Variants in CDK6 observed in about 807,000 individuals in gnomAD.
CDK6 encodes cyclin-dependent kinase 6.
Under a neutral mutation model 37.1 loss-of-function variants are expected in CDK6, and 6 were observed. That is an observed-to-expected ratio of 0.16 (90% CI 0.09 to 0.32). The LOEUF (loss-of-function observed/expected upper bound fraction) is 0.32, where lower values mean the gene tolerates loss of function less well. Ranked by LOEUF, CDK6 falls within the 10% of genes least tolerant of loss-of-function variation. The pLI, the probability that CDK6 is intolerant of heterozygous loss-of-function variation, is 1.00. For missense variants in CDK6, 224 were observed against 418.9 expected (o/e 0.53, Z 4.06); for synonymous variants, 160 against 161.3 (o/e 0.99, Z 0.06).
chr7:92,787,385 G>A (rs879297855), intron 2 of CDK6, among the ~76,000 whole-genome samples: 13 of 151,774 alleles, frequency 8.6e-5, no homozygotes, highest in Admixed American at 7.2e-4. Flanking sequence ...TACCACTCAC[G>A]TACTTTTCTT....
chr7:92,785,067 C>T (rs530221301), intron 2 of CDK6, among the ~76,000 whole-genome samples: 10 of 152,216 alleles, frequency 6.6e-5, no homozygotes, highest in East Asian at 3.9e-4. Context: ...TGAATGATGA[C>T]GCAGTGAAGG....
At chr7:92,763,547 A>G (rs1799508315) in intron 3 of CDK6, among the ~76,000 whole-genome samples, 1 of 152,222 alleles carries the variant, frequency 6.6e-6, no homozygotes, top group Non-Finnish European at 1.5e-5. Context: ...GCATCTCTTT[A>G]ATTTATATCT....
chr7:92,672,190 TACACACACAC>T (rs71107866), intron 4 of CDK6, among the ~76,000 whole-genome samples: 75 of 62,776 alleles, frequency 1.2e-3, no homozygotes, highest in Middle Eastern at 0.012. Flanking sequence ...CACAGACACA[TACACACACAC>T]ACACACACAC....
chr7:92,705,612 G>A (rs1332776469), intron 4 of CDK6, among the ~76,000 whole-genome samples: 1 of 152,156 alleles, frequency 6.6e-6, no homozygotes, highest in African/African-American at 2.4e-5. Context: ...TCCCAGTCAG[G>A]TCATGTTGCA....
At chr7:92,681,965 T>C (rs1797346983) in intron 4 of CDK6, among the ~76,000 whole-genome samples, 1 of 152,214 alleles carries the variant, frequency 6.6e-6, no homozygotes, top group Admixed American at 6.5e-5. Flanking sequence ...TTGTCATTCC[T>C]CTGAAACTTG....
intron 5 of CDK6, among the ~76,000 whole-genome samples, chr7:92,652,608 T>G (rs963247001): frequency 5.9e-5 from 9 of 152,336 alleles, no homozygotes; most frequent in African/African-American, 2.2e-4. Context: ...TAATTCATAA[T>G]GAAATTATTT....
At chr7:92,645,031 C>T (rs904525905) in intron 5 of CDK6, among the ~76,000 whole-genome samples, 4 of 152,160 alleles carry the variant, frequency 2.6e-5, no homozygotes, top group Admixed American at 6.5e-5. Flanking sequence ...TCGGGTTTGG[C>T]ATGGAAAGCA....
At chr7:92,626,807 T>A (rs572699992) in intron 5 of CDK6, among the ~76,000 whole-genome samples, 14 of 152,224 alleles carry the variant, frequency 9.2e-5, no homozygotes, top group East Asian at 7.7e-4. Flanking sequence ...TAGTAAAGTC[T>A]GGCAGAATGA....
At chr7:92,654,286 T>A (rs542905332) in intron 5 of CDK6, among the ~76,000 whole-genome samples, 25 of 152,120 alleles carry the variant, frequency 1.6e-4, no homozygotes, top group Middle Eastern at 3.4e-3. Context: ...AGCTAATCAC[T>A]TTCAGAATTT....
intron 3 of CDK6, among the ~76,000 whole-genome samples, chr7:92,765,983 A>G (rs905730455): frequency 1.3e-5 from 2 of 152,152 alleles, no homozygotes; most frequent in Non-Finnish European, 2.9e-5. Context: ...AGCAAGCTGG[A>G]GGAACAGAAA....
intron 4 of CDK6, among the ~76,000 whole-genome samples, chr7:92,675,867 AT>A (rs1367186562): frequency 6.6e-6 from 1 of 152,140 alleles, no homozygotes; most frequent in Non-Finnish European, 1.5e-5. Context: ...ATTGACTTAA[AT>A]TTGAACATAG....
At chr7:92,765,290 C>G (rs1259309423) in intron 3 of CDK6, among the ~76,000 whole-genome samples, 1 of 151,898 alleles carries the variant, frequency 6.6e-6, no homozygotes, top group East Asian at 1.9e-4. Flanking sequence ...AGCGTCCCAC[C>G]CCGGGGAAGA....
At chr7:92,695,320 T>C (rs1797693225) in intron 4 of CDK6, among the ~76,000 whole-genome samples, 2 of 148,468 alleles carry the variant, frequency 1.3e-5, no homozygotes, top group Non-Finnish European at 3.0e-5. Flanking sequence ...CCAACAAAAA[T>C]CAAGAAGCAA....
intron 2 of CDK6, among the ~76,000 whole-genome samples, chr7:92,828,958 G>T (rs974316270): frequency 6.6e-6 from 1 of 152,094 alleles, no homozygotes; most frequent in Non-Finnish European, 1.5e-5. Flanking sequence ...TTTAAAAGGA[G>T]AATTAAACTC....
At chr7:92,651,164 A>AC (rs1170423117) in intron 5 of CDK6, among the ~76,000 whole-genome samples, 1 of 152,196 alleles carries the variant, frequency 6.6e-6, no homozygotes, top group Admixed American at 6.5e-5. Context: ...TGTTGGGATT[A>AC]CAGGCGTAAG....
intron 2 of CDK6, among the ~76,000 whole-genome samples, chr7:92,821,378 T>G (rs1476583996): frequency 6.6e-6 from 1 of 152,176 alleles, no homozygotes; most frequent in Non-Finnish European, 1.5e-5. Flanking sequence ...CCATTCTCAC[T>G]GTGCTCTGTC....
chr7:92,776,895 G>A (rs1799864732), intron 2 of CDK6, among the ~76,000 whole-genome samples: 1 of 152,154 alleles, frequency 6.6e-6, no homozygotes, highest in South Asian at 2.1e-4. Flanking sequence ...TTGCTGTGCA[G>A]AAGCTCTTTA....
At chr7:92,748,943 T>A (rs751776677) in intron 3 of CDK6, among the ~76,000 whole-genome samples, 1 of 151,780 alleles carries the variant, frequency 6.6e-6, no homozygotes, top group Non-Finnish European at 1.5e-5. Context: ...GGCTCACACC[T>A]GTAATCCCAG....
intron 6 of CDK6, among the ~76,000 whole-genome samples, chr7:92,619,182 ATGT>A (rs1400429069): frequency 2.0e-5 from 3 of 152,190 alleles, no homozygotes; most frequent in African/African-American, 7.2e-5. Context: ...TAATTAGAAA[ATGT>A]TATTAATACA....
Sources: gnomAD v4.1 joint callset for allele counts (sites outside exome capture counted in the v4.1 genomes callset) on GRCh38, gnomAD v4.1.1 for gene constraint, MANE v1.5 for transcripts, NCBI Gene and HGNC (gene_info 2026-07-23, HGNC 2026-07-21) for gene names.